SLC38A6: variants seen among roughly 807,000 people sequenced by gnomAD.
SLC38A6 encodes the protein solute carrier family 38 member 6.
In SLC38A6, 73 loss-of-function variants were observed where a neutral mutation model predicts 65.0. That is an observed-to-expected ratio of 1.12 (90% CI 0.93 to 1.37). The LOEUF is 1.37. Ranked by LOEUF, SLC38A6 falls within the 40% of genes most tolerant of loss-of-function variation. SLC38A6 has a pLI of 0.00. For missense variants in SLC38A6, 561 were observed against 531.1 expected, an observed-to-expected ratio of 1.06 and a Z score of -0.55; for synonymous variants, 183 against 178.8, an observed-to-expected ratio of 1.02 and a Z score of -0.19.
At chr14:61,016,555 T>C (rs2040023757) in intron 4 of SLC38A6, among the ~76,000 whole-genome samples, 1 of 152,212 alleles carries the variant, frequency 6.6e-6, no homozygotes. Flanking sequence ...CAGCAGTATT[T>C]ATGGGGCACC....
intron 1 of SLC38A6, among the ~76,000 whole-genome samples, chr14:60,981,852 T>C (rs1594936305): frequency 6.6e-6 from 1 of 152,184 alleles, no homozygotes; most frequent in Non-Finnish European, 1.5e-5. Flanking sequence ...TGGTAGTAAG[T>C]GCATAGCACG....
At chr14:61,030,077 A>T (rs1044067890) in intron 5 of SLC38A6, among the ~76,000 whole-genome samples, 3 of 152,158 alleles carry the variant, frequency 2.0e-5, no homozygotes, top group African/African-American at 7.2e-5. Context: ...TGCTAAACTA[A>T]CCTCTAATGC....
At chr14:61,021,661 G>A (rs941701292) in intron 5 of SLC38A6, among the ~76,000 whole-genome samples, 3 of 152,020 alleles carry the variant, frequency 2.0e-5, no homozygotes, top group African/African-American at 7.2e-5. Context: ...TTTTAAAAAG[G>A]TGATTTAGAG....
At chr14:61,028,846 A>G (rs889937709) in intron 5 of SLC38A6, among the ~76,000 whole-genome samples, 2 of 152,198 alleles carry the variant, frequency 1.3e-5, no homozygotes, top group African/African-American at 2.4e-5. Context: ...TTTTGTGTCT[A>G]TAGTATTATC....
At chr14:61,045,838 A>G (rs2042109187) in intron 11 of SLC38A6, among the ~76,000 whole-genome samples, 1 of 150,550 alleles carries the variant, frequency 6.6e-6, no homozygotes. Flanking sequence ...GTGAGCCGAG[A>G]TCACACTACT....
At chr14:61,033,919 C>G (rs993781551) in intron 6 of SLC38A6, 12 of 152,088 alleles carry the variant, frequency 7.9e-5, no homozygotes, top group African/African-American at 2.7e-4. Context: ...AAGTTCAATC[C>G]TATGAAAAGG....
intron 6 of SLC38A6, chr14:61,030,763 A>G (rs1293465834): frequency 3.0e-6 from 1 of 337,500 alleles, no homozygotes; most frequent in Admixed American, 4.7e-5. Flanking sequence ...TAATCCTTGC[A>G]TTCCTTGGGG....
At chr14:61,016,264 A>T (rs1156917543) in intron 4 of SLC38A6, among the ~76,000 whole-genome samples, 3 of 152,200 alleles carry the variant, frequency 2.0e-5, no homozygotes, top group African/African-American at 7.2e-5. Context: ...ATTAATTTTG[A>T]TTATGTACTC....
At chr14:61,068,234 CCT>C (rs1245413317) in intron 15 of SLC38A6, among the ~76,000 whole-genome samples, 2 of 152,104 alleles carry the variant, frequency 1.3e-5, no homozygotes, top group Admixed American at 6.6e-5. Context: ...GTCAGCAGCC[CCT>C]GTTTTCATCC....
At chr14:60,998,281 A>G (rs1054273398) in intron 3 of SLC38A6, among the ~76,000 whole-genome samples, 8 of 151,870 alleles carry the variant, frequency 5.3e-5, no homozygotes, top group African/African-American at 1.7e-4. Flanking sequence ...TCTGCCTGCC[A>G]TCCCCGCATC....
chr14:61,040,762 G>A (rs1382296149), intron 8 of SLC38A6, among the ~76,000 whole-genome samples: 4 of 152,158 alleles, frequency 2.6e-5, no homozygotes, highest in African/African-American at 7.2e-5. Context: ...GATTATAGGC[G>A]TGAGCCACTG....
At chr14:61,007,313 T>TTAG (rs1303475780) in intron 3 of SLC38A6, among the ~76,000 whole-genome samples, 1 of 118,028 alleles carries the variant, frequency 8.5e-6, no homozygotes, top group East Asian at 2.3e-4. Flanking sequence ...CCCTAAAACT[T>TTAG]TAATAATAAT....
intron 15 of SLC38A6, among the ~76,000 whole-genome samples, chr14:61,074,289 G>C (rs921953927): frequency 6.6e-6 from 1 of 152,204 alleles, no homozygotes; most frequent in African/African-American, 2.4e-5. Context: ...TTTTGTAAAA[G>C]TCACCATCTA....
rs2041947678 is a variant in SLC38A6, at chr14:61,043,627, G to A, written c.744+124G>A. 6.9e-6 allele frequency: 3 copies of A among 432,422 alleles called. No homozygotes were observed. In the East Asian group the frequency reaches 1.4e-4, roughly 21 times the overall value. 26.8% of individuals were successfully genotyped at this position (432,422 alleles called of 1,614,324 possible). A position where few individuals can be genotyped will look rare whatever the true frequency, so the allele number is the denominator to read the frequency against. ...TAATTAATTTTCATGAAAGTGCTAA[G>A]TATAGGATTGCCTACCAGAAGACTA... On this transcript the variant is annotated intron_variant, in intron 10 of 15. Coordinates refer to ENST00000267488, the MANE Select transcript of SLC38A6 (RefSeq NM_153811.3).
intron 3 of SLC38A6, chr14:60,987,597 T>G (rs1467203655): frequency 6.6e-6 from 1 of 152,304 alleles, no homozygotes; most frequent in Non-Finnish European, 1.5e-5. Flanking sequence ...TGTCAAGTCC[T>G]TGGCAAATGA....
intron 3 of SLC38A6, among the ~76,000 whole-genome samples, chr14:61,010,779 A>T (rs1595061416): frequency 6.6e-6 from 1 of 152,170 alleles, no homozygotes; most frequent in Non-Finnish European, 1.5e-5. Flanking sequence ...TGTTTTGGTT[A>T]CTGTAGCCTC....
intron 8 of SLC38A6, 140 bp downstream of exon 8, chr14:61,037,823 CATTAAATT>C (rs2041509311): frequency 1.8e-6 from 1 of 551,270 alleles, no homozygotes; most frequent in Non-Finnish European, 3.1e-6. Flanking sequence ...ACTTTTGTTC[CATTAAATT>C]ATTTCCTTCA....
At chr14:61,023,768 G>A (rs1300942387) in intron 5 of SLC38A6, among the ~76,000 whole-genome samples, 2 of 151,684 alleles carry the variant, frequency 1.3e-5, no homozygotes, top group East Asian at 3.9e-4. Flanking sequence ...GAAATGGAAG[G>A]CCTTTAAAAG....
rs902090940 is a variant in SLC38A6 at position 61,068,825 on chromosome 14, T to G, written c.1291-9985T>G. On this transcript the variant is annotated intron_variant, in intron 15 of 16. Coordinates refer to the SLC38A6 transcript ENST00000354886. ...AGAGCTTAGGACAGTGCCTGGTACTTTGGAGTGGCTTAATATTTGTTGAAT... is the reference window on the plus strand; with the variant it reads ...AGAGCTTAGGACAGTGCCTGGTACTGTGGAGTGGCTTAATATTTGTTGAAT... Among the ~76,000 whole-genome samples, 3 of 152,206 alleles carry G rather than the reference T, an allele frequency of 2.0e-5. No homozygotes were observed. In the East Asian group the frequency reaches 5.8e-4, roughly 29 times the overall value.
Sources: gnomAD v4.1 joint callset for allele counts (sites outside exome capture counted in the v4.1 genomes callset) on GRCh38, gnomAD v4.1.1 for gene constraint, MANE v1.5 for transcripts, NCBI Gene and HGNC (gene_info 2026-07-23, HGNC 2026-07-21) for gene names.